PARP6: variants seen among roughly 807,000 people sequenced by gnomAD.
The protein encoded by PARP6 is protein mono-ADP-ribosyltransferase PARP6.
PARP6 carries 27 observed loss-of-function variants against 92.0 expected under a neutral mutation model. The ratio of observed to expected loss-of-function variants is 0.29; its 90% CI spans 0.22 to 0.40. The LOEUF (loss-of-function observed/expected upper bound fraction) is 0.40. Among genes scored for constraint, PARP6 ranks in the 10% least tolerant of loss-of-function variants. The pLI, the probability that PARP6 is intolerant of heterozygous loss-of-function variation, is 1.00. For missense variants in PARP6, 501 were observed against 784.5 expected (o/e 0.64, Z 4.32); for synonymous variants, 272 against 281.2 (o/e 0.97, Z 0.33).
chr15:72,264,000 G>A (rs1446273245), intron 8 of PARP6, among the ~76,000 whole-genome samples: 1 of 150,276 alleles, frequency 6.7e-6, no homozygotes, highest in East Asian at 1.9e-4. Flanking sequence ...TCCAGCCTGG[G>A]TGAGAGCAAG....
At chr15:72,248,142 T>A (rs2083865730) in intron 20 of PARP6, among the ~76,000 whole-genome samples, 1 of 152,200 alleles carries the variant, frequency 6.6e-6, no homozygotes, top group Admixed American at 6.5e-5. Flanking sequence ...TTTAATTGTG[T>A]CCTTTTTCTC....
intron 18 of PARP6, 24 bp downstream of exon 18, chr15:72,250,821 C>T (rs1332196660): frequency 1.5e-6 from 2 of 1,291,364 alleles, no homozygotes; most frequent in East Asian, 2.4e-5. Context: ...ACCACCCCCA[C>T]TGCCCAGCCC....
intron 11 of PARP6, among the ~76,000 whole-genome samples, chr15:72,258,730 TG>T (rs1356360252): frequency 1.3e-5 from 2 of 152,226 alleles, no homozygotes; most frequent in African/African-American, 4.8e-5. Context: ...GCGTTTTTTT[TG>T]TTGTTGTTGT....
chr15:72,251,335 T>G (rs1048506463), intron 16 of PARP6, 80 bp from the exon 17 acceptor site: 14 of 844,314 alleles, frequency 1.7e-5, no homozygotes, highest in Non-Finnish European at 2.4e-5. Context: ...CCAGTCTTCC[T>G]CTGCCTTTGG....
intron 18 of PARP6, 119 bp downstream of exon 18, chr15:72,250,726 G>GT: frequency 1.5e-6 from 1 of 645,298 alleles, no homozygotes; most frequent in South Asian, 1.8e-5. Flanking sequence ...ATAGCATTTA[G>GT]TAAGTATCTG....
At chr15:72,250,235 C>T (rs771642987) in intron 18 of PARP6, 143 bp from the exon 19 acceptor site, 58 of 646,544 alleles carry the variant, frequency 9.0e-5, no homozygotes, top group Non-Finnish European at 1.6e-4. Context: ...CACATGGATA[C>T]AGTCACAGGC....
At chr15:72,257,200 T>G (rs2085258273) in intron 13 of PARP6, 148 bp downstream of exon 13, 1 of 621,926 alleles carries the variant, frequency 1.6e-6, no homozygotes, top group Non-Finnish European at 2.9e-6. Flanking sequence ...CAGATGGGGT[T>G]GTATCCATTT....
chr15:72,241,610 A>C lies in PARP6; in HGVS notation c.1791-53T>G, dbSNP rs1760490254. 4.5e-6 allele frequency: 6 copies of C among 1,331,702 alleles called. No individual in the cohort carries two copies. The Admixed American group carries it at 1.0e-4, about 22-fold the overall frequency. 82.5% of individuals were successfully genotyped at this position (1,331,702 alleles called of 1,614,324 possible). A position where few individuals can be genotyped will look rare whatever the true frequency, so the allele number is the denominator to read the frequency against. On this transcript the variant is annotated intron_variant, in intron 23 of 23. Transcript: ENST00000569795. This position sits in a 1 kb window ranked among gnomAD's most constrained non-coding sequence, Gnocchi z 4.1. ...TAAGAGGGAGAACAATACCAGAATAACATCAATCAGTGGAACTGTATTTCA... is the reference window on the plus strand; with the variant it reads ...TAAGAGGGAGAACAATACCAGAATACCATCAATCAGTGGAACTGTATTTCA...
chr15:72,271,627 G>A (rs2087448020), intron 1 of PARP6, among the ~76,000 whole-genome samples: 1 of 152,202 alleles, frequency 6.6e-6, no homozygotes, highest in South Asian at 2.1e-4. Context: ...GAAGGACTGG[G>A]ATGTAAAGAC....
rs1171110640 is a variant in PARP6 at position 72,242,244 on chromosome 15, G to A, written c.1642-24C>T. ...GTCTGGAAGAGAAGGAGGCAAAGGA[G>A]ACCAGAGCCAGGTAGATGGGTACAG... On this transcript the variant is annotated intron_variant, in intron 21 of 23. Coordinates refer to ENST00000569795, the MANE Select transcript of PARP6 (RefSeq NM_001323532.2). This position sits in a 1 kb window ranked among gnomAD's most constrained non-coding sequence, Gnocchi z 4.3. 6.2e-7 allele frequency: 1 copy of A among 1,603,580 alleles called. No homozygotes were observed. The highest frequency in any genetic ancestry group is 8.5e-7 in the Non-Finnish European group (1 of 1,170,488).
At chr15:72,258,679 G>A (rs2085448744) in intron 11 of PARP6, among the ~76,000 whole-genome samples, 1 of 152,208 alleles carries the variant, frequency 6.6e-6, no homozygotes, top group Admixed American at 6.5e-5. Flanking sequence ...TCTGTGCTAG[G>A]AAGATAGGAA....
At chr15:72,260,802 C>T (rs2085769817) in intron 9 of PARP6, 114 bp from the exon 10 acceptor site, 7 of 759,130 alleles carry the variant, frequency 9.2e-6, no homozygotes, top group Non-Finnish European at 1.6e-5. Flanking sequence ...GAAAGACAAA[C>T]TCATATCTGA....
At chr15:72,259,521 TTTGA>T (rs1304672526) in intron 11 of PARP6, 83 bp downstream of exon 11, 2 of 1,027,300 alleles carry the variant, frequency 1.9e-6, no homozygotes, top group African/African-American at 1.6e-5. Flanking sequence ...TCAGAAAGTA[TTTGA>T]TTGAGGAGCT....
At chr15:72,256,695 T>C (rs2085183241) in intron 13 of PARP6, 105 bp from the exon 14 acceptor site, 2 of 927,118 alleles carry the variant, frequency 2.2e-6, no homozygotes, top group Non-Finnish European at 3.0e-6. Context: ...AAAGCAAATA[T>C]GTTTAAGGCT....
intron 9 of PARP6, among the ~76,000 whole-genome samples, chr15:72,261,314 T>C (rs1382267277): frequency 6.6e-6 from 1 of 152,230 alleles, no homozygotes; most frequent in Admixed American, 6.5e-5. Context: ...AGATTCAGCA[T>C]ACATTTCTCC....
At chr15:72,264,964 T>C (rs1367200825) in intron 7 of PARP6, 117 bp downstream of exon 7, 3 of 686,476 alleles carry the variant, frequency 4.4e-6, no homozygotes, top group African/African-American at 1.8e-5. Context: ...CCCCTACCAA[T>C]AGCCTGCAGA....
At chr15:72,248,697 G>A (rs781663296) in intron 20 of PARP6, among the ~76,000 whole-genome samples, 1 of 152,170 alleles carries the variant, frequency 6.6e-6, no homozygotes, top group Non-Finnish European at 1.5e-5. Context: ...CCTTTTCTGA[G>A]CTTGACTCAT....
intron 19 of PARP6, among the ~76,000 whole-genome samples, chr15:72,249,678 A>G (rs1015182073): frequency 2.0e-5 from 3 of 152,258 alleles, no homozygotes; most frequent in Non-Finnish European, 4.4e-5. Context: ...CTCTCAGGGC[A>G]TAGAAAAAGT....
intron 17 of PARP6, 33 bp downstream of exon 17, chr15:72,251,174 T>C (rs2084302966): frequency 6.8e-7 from 1 of 1,471,852 alleles, no homozygotes; most frequent in Non-Finnish European, 9.5e-7. Context: ...TCACCAGAAA[T>C]TTAAAGCATT....
Sources: gnomAD v4.1 joint callset for allele counts (sites outside exome capture counted in the v4.1 genomes callset) on GRCh38, gnomAD v4.1.1 for gene constraint, Gnocchi (gnomAD v3.1) non-coding constraint, MANE v1.5 for transcripts, NCBI Gene and HGNC (gene_info 2026-07-23, HGNC 2026-07-21) for gene names.